ANKRD44: variants seen among roughly 807,000 people sequenced by gnomAD.
ANKRD44 encodes the protein ankyrin repeat domain 44, also known as serine/threonine-protein phosphatase 6 regulatory ankyrin repeat subunit B.
A neutral mutation model predicts 116.0 loss-of-function variants in ANKRD44; 35 were observed. The ratio of observed to expected loss-of-function variants is 0.30; its 90% CI spans 0.23 to 0.40. ANKRD44 has a LOEUF of 0.40. Among genes scored for constraint, ANKRD44 ranks in the 10% least tolerant of loss-of-function variants. ANKRD44 has a pLI of 1.00. For synonymous variants in ANKRD44, 435 were observed against 461.8 expected (o/e 0.94, Z 0.74); for missense variants, 1,014 against 1,242.6 (o/e 0.82, Z 2.77).
At chr2:197,308,100 G>T (rs2084127563) in intron 1 of ANKRD44, among the ~76,000 whole-genome samples, 1 of 151,558 alleles carries the variant, frequency 6.6e-6, no homozygotes, top group South Asian at 2.1e-4. Flanking sequence ...GAGCCTGGCA[G>T]GCCAAGGCTG....
intron 16 of ANKRD44, among the ~76,000 whole-genome samples, chr2:197,027,862 A>T (rs150879056): frequency 4.9e-4 from 74 of 151,476 alleles, no homozygotes; most frequent in East Asian, 3.9e-3. Context: ...TTTAAAAAAA[A>T]TTTTTTTGGT....
intron 16 of ANKRD44, among the ~76,000 whole-genome samples, chr2:197,064,783 G>A (rs1559033566): frequency 6.6e-6 from 1 of 152,094 alleles, no homozygotes; most frequent in Non-Finnish European, 1.5e-5. Context: ...CCCAATACAG[G>A]AGCACCCAGA....
chr2:197,032,268 C>A (rs2124896570), intron 16 of ANKRD44, among the ~76,000 whole-genome samples: 1 of 152,186 alleles, frequency 6.6e-6, no homozygotes, highest in African/African-American at 2.4e-5. Context: ...GCACTGCTAC[C>A]CTAGAAGCAG....
At chr2:197,069,231 T>C (rs931955560) in intron 16 of ANKRD44, among the ~76,000 whole-genome samples, 4 of 151,026 alleles carry the variant, frequency 2.6e-5, no homozygotes, top group Non-Finnish European at 4.4e-5. Flanking sequence ...TTCTCACTCA[T>C]AGGTGGGAAT....
intron 1 of ANKRD44, among the ~76,000 whole-genome samples, chr2:197,204,115 T>A (rs1461077202): frequency 6.6e-6 from 1 of 152,152 alleles, no homozygotes; most frequent in Admixed American, 6.5e-5. Context: ...ATAAAAAAAA[T>A]TATGATACAT....
chr2:197,013,850 TTATTA>T (rs1329668220), intron 17 of ANKRD44, 138 bp from the exon 18 acceptor site: 5 of 791,820 alleles, frequency 6.3e-6, no homozygotes, highest in African/African-American at 5.2e-5. Flanking sequence ...CTTGGAATAT[TTATTA>T]AAACTCAGGC....
intron 16 of ANKRD44, among the ~76,000 whole-genome samples, chr2:197,062,487 G>A (rs946411545): frequency 2.0e-5 from 3 of 152,222 alleles, no homozygotes; most frequent in Non-Finnish European, 4.4e-5. Flanking sequence ...TACTTAGAAG[G>A]GACAGTGGGT....
At chr2:197,236,701 C>A (rs2081985672) in intron 1 of ANKRD44, among the ~76,000 whole-genome samples, 1 of 98,248 alleles carries the variant, frequency 1.0e-5, no homozygotes. Context: ...TCTCTCCCTG[C>A]AACAAACTAC....
chr2:197,240,828 C>T (rs1159681847), intron 1 of ANKRD44, among the ~76,000 whole-genome samples: 1 of 149,410 alleles, frequency 6.7e-6, no homozygotes, highest in Admixed American at 6.7e-5. Context: ...CTTCCCCACA[C>T]CCCCAACACC....
chr2:196,979,552 G>T (rs939956061), intron 21 of ANKRD44, among the ~76,000 whole-genome samples: 1 of 103,150 alleles, frequency 9.7e-6, no homozygotes, highest in Non-Finnish European at 1.9e-5. Context: ...TTAATAAGAT[G>T]ACTTTTTTTT....
intron 25 of ANKRD44, among the ~76,000 whole-genome samples, chr2:196,997,799 C>T (rs2076040603): frequency 9.7e-6 from 1 of 102,696 alleles, no homozygotes; most frequent in Non-Finnish European, 2.3e-5. Context: ...TGTGAACACA[C>T]CACTATTTGA....
intron 21 of ANKRD44, among the ~76,000 whole-genome samples, chr2:196,973,895 G>GTTA (rs2075737525): frequency 6.6e-6 from 1 of 152,012 alleles, no homozygotes; most frequent in Admixed American, 6.6e-5. Context: ...ACCCACCATG[G>GTTA]TTATTAGACT....
At chr2:196,985,158 T>A (rs1252900951), downstream of ANKRD44, among the ~76,000 whole-genome samples, 3 of 152,146 alleles carry the variant, frequency 2.0e-5, no homozygotes, top group East Asian at 5.8e-4. Context: ...ACTGAGGCCC[T>A]CAGTGTAACA....
intron 16 of ANKRD44, chr2:197,030,184 G>T (rs2124881143): frequency 6.6e-6 from 1 of 152,552 alleles, no homozygotes; most frequent in East Asian, 1.9e-4. Flanking sequence ...ACGTCATTTT[G>T]CCTGCTGTGT....
At chr2:197,192,654 T>G (rs1574243752) in intron 1 of ANKRD44, among the ~76,000 whole-genome samples, 1 of 152,212 alleles carries the variant, frequency 6.6e-6, no homozygotes, top group African/African-American at 2.4e-5. Flanking sequence ...GAAAGGATAA[T>G]AAAAATTTGT....
At chr2:197,066,204 A>T (rs1054943357) in intron 16 of ANKRD44, among the ~76,000 whole-genome samples, 81 of 152,356 alleles carry the variant, frequency 5.3e-4, no homozygotes, top group African/African-American at 1.9e-3. Context: ...GATTATCTCA[A>T]TAGATGCAGA....
chr2:197,129,624 G>A (rs1006126078), intron 4 of ANKRD44, among the ~76,000 whole-genome samples: 4 of 152,168 alleles, frequency 2.6e-5, no homozygotes, highest in Non-Finnish European at 4.4e-5. Flanking sequence ...CATATGGGAG[G>A]TAACTGGACA....
intron 1 of ANKRD44, among the ~76,000 whole-genome samples, chr2:197,242,636 G>C (rs2125802453): frequency 6.6e-6 from 1 of 152,304 alleles, no homozygotes; most frequent in East Asian, 1.9e-4. Flanking sequence ...TCCCCCTATG[G>C]AATATTCTTA....
chr2:197,005,056 TTTATAA>T (rs1431695354), intron 21 of ANKRD44, among the ~76,000 whole-genome samples: 1 of 152,130 alleles, frequency 6.6e-6, no homozygotes, highest in East Asian at 1.9e-4. Flanking sequence ...TACACATTAA[TTTATAA>T]TTATTTATAT....
Sources: allele counts gnomAD v4.1 joint callset (sites outside exome capture counted in the v4.1 genomes callset), GRCh38; gene constraint gnomAD v4.1.1; transcripts MANE v1.5; gene names NCBI Gene and HGNC (gene_info 2026-07-23, HGNC 2026-07-21).